The following AFG2A variants were observed in gnomAD, a reference collection of about 807,000 sequenced individuals.
AFG2A encodes the protein ATPase family gene 2 protein homolog A.
chr4:123,209,642 C>T, the AFG2A span, among the ~76,000 whole-genome samples: 3 of 136,912 alleles, frequency 2.2e-5, no homozygotes, highest in Non-Finnish European at 4.6e-5. Context: ...GGCTGGAGTG[C>T]AGTGGTGCAA....
At chr4:123,192,738 A>G in the AFG2A span, among the ~76,000 whole-genome samples, 1 of 152,214 alleles carries the variant, frequency 6.6e-6, no homozygotes, top group African/African-American at 2.4e-5. Flanking sequence ...TGTATTGAAA[A>G]GTCAGCTGCC....
the AFG2A span, among the ~76,000 whole-genome samples, chr4:123,021,076 A>C: frequency 2.0e-5 from 3 of 151,948 alleles, no homozygotes; most frequent in African/African-American, 7.3e-5. Context: ...TTTAATTTGG[A>C]TGTTTTGGCT....
At chr4:122,988,401 C>CTT in the AFG2A span, among the ~76,000 whole-genome samples, 1,006 of 123,052 alleles carry the variant, frequency 8.2e-3, 10 homozygotes, top group Non-Finnish European at 0.012. Context: ...GTCATTCTTT[C>CTT]TTTTTTTTTT....
the AFG2A span, among the ~76,000 whole-genome samples, chr4:123,004,224 G>C: frequency 1.1e-4 from 17 of 152,282 alleles, no homozygotes; most frequent in East Asian, 2.7e-3. Flanking sequence ...CCCTTTCCTT[G>C]ACCAGGAAAG....
At chr4:123,122,366 C>G in the AFG2A span, among the ~76,000 whole-genome samples, 2 of 152,200 alleles carry the variant, frequency 1.3e-5, no homozygotes, top group Non-Finnish European at 2.9e-5. Context: ...GCGTAGCTTA[C>G]CTTATATGTG....
chr4:123,301,214 T>C, the AFG2A span, among the ~76,000 whole-genome samples: 1 of 152,198 alleles, frequency 6.6e-6, no homozygotes. Flanking sequence ...TCCATCTAGA[T>C]ATCCATAGAC....
the AFG2A span, chr4:122,979,525 T>C: frequency 1.0e-5 from 10 of 963,806 alleles, no homozygotes; most frequent in Middle Eastern, 3.3e-4. Flanking sequence ...GAGATAGCTG[T>C]AAATTCAGTG....
the AFG2A span, among the ~76,000 whole-genome samples, chr4:122,946,676 A>G: frequency 6.6e-6 from 1 of 152,126 alleles, no homozygotes; most frequent in Admixed American, 6.5e-5. Context: ...ATACCTATAT[A>G]TTCAAATGTG....
At chr4:123,032,873 A>G in the AFG2A span, among the ~76,000 whole-genome samples, 9 of 152,122 alleles carry the variant, frequency 5.9e-5, no homozygotes, top group African/African-American at 1.4e-4. Context: ...ACTTTTTCCA[A>G]CTGTAGGCCA....
chr4:123,024,304 CA>C, the AFG2A span, among the ~76,000 whole-genome samples: 121,141 of 147,808 alleles, frequency 0.82, 51,051 homozygotes, highest in East Asian at 0.96. Context: ...ACAGACCCCC[CA>C]AAAAAAAATC....
At chr4:123,219,912 C>T in the AFG2A span, among the ~76,000 whole-genome samples, 133 of 152,008 alleles carry the variant, frequency 8.7e-4, no homozygotes, top group Non-Finnish European at 5.9e-5. Flanking sequence ...TCTTGTTGCC[C>T]AGGCTGGAGT....
At chr4:122,977,307 G>A in the AFG2A span, among the ~76,000 whole-genome samples, 2 of 152,194 alleles carry the variant, frequency 1.3e-5, no homozygotes, top group South Asian at 2.1e-4. Flanking sequence ...TGAGCCAGGC[G>A]CAGAGCAGTG....
chr4:122,984,547 T>C, the AFG2A span, among the ~76,000 whole-genome samples: 25 of 152,300 alleles, frequency 1.6e-4, no homozygotes, highest in Middle Eastern at 3.4e-3. Context: ...GAGGAATGTT[T>C]TCAACTTTTC....
chr4:123,146,736 A>T, the AFG2A span, among the ~76,000 whole-genome samples: 2 of 152,126 alleles, frequency 1.3e-5, no homozygotes, highest in Non-Finnish European at 2.9e-5. Context: ...ACTTTAACCA[A>T]GCCTCCAATA....
At chr4:123,179,986 G>T in the AFG2A span, among the ~76,000 whole-genome samples, 1 of 152,138 alleles carries the variant, frequency 6.6e-6, no homozygotes, top group African/African-American at 2.4e-5. Context: ...TTAGGAGGCT[G>T]AGGCGGGAAG....
At chr4:123,160,892 A>G in the AFG2A span, among the ~76,000 whole-genome samples, 3 of 152,146 alleles carry the variant, frequency 2.0e-5, no homozygotes, top group Non-Finnish European at 4.4e-5. Context: ...TAACAGCAAT[A>G]ATTAATAATA....
chr4:123,233,699 G>T, the AFG2A span, among the ~76,000 whole-genome samples: 1 of 151,268 alleles, frequency 6.6e-6, no homozygotes, highest in Admixed American at 6.6e-5. Flanking sequence ...AATGAGTTCT[G>T]CATTTTCATA....
the AFG2A span, among the ~76,000 whole-genome samples, chr4:122,952,285 C>G: frequency 6.6e-6 from 1 of 152,162 alleles, no homozygotes; most frequent in African/African-American, 2.4e-5. Context: ...CTGGCTACAT[C>G]TAGTTCACAG....
the AFG2A span, among the ~76,000 whole-genome samples, chr4:123,206,673 C>CTAGT: frequency 6.6e-6 from 1 of 152,158 alleles, no homozygotes; most frequent in African/African-American, 2.4e-5. Flanking sequence ...GTCTTCTTTT[C>CTAGT]TAGTAAATGT....
Sources: allele counts gnomAD v4.1 joint callset (sites outside exome capture counted in the v4.1 genomes callset), GRCh38; gene constraint gnomAD v4.1.1; transcripts MANE v1.5; gene names NCBI Gene and HGNC (gene_info 2026-07-23, HGNC 2026-07-21).